Variants in AUTS2 observed in about 807,000 individuals in gnomAD.
AUTS2 encodes activator of transcription and developmental regulator AUTS2.
A neutral mutation model predicts 112.4 loss-of-function variants in AUTS2; 17 were observed. That is an observed-to-expected ratio of 0.15 (90% CI 0.10 to 0.23). The LOEUF (loss-of-function observed/expected upper bound fraction) is 0.23, where lower values mean the gene tolerates loss of function less well. Among genes scored for constraint, AUTS2 ranks in the 10% least tolerant of loss-of-function variants. AUTS2 has a pLI of 1.00. For missense variants in AUTS2, 1,510 were observed against 1,701.6 expected (o/e 0.89, Z 1.98); for synonymous variants, 751 against 702.7 (o/e 1.07, Z -1.09).
At chr7:69,795,330 A>G (rs1260991364) in intron 1 of AUTS2, among the ~76,000 whole-genome samples, 1 of 152,210 alleles carries the variant, frequency 6.6e-6, no homozygotes, top group Non-Finnish European at 1.5e-5. Flanking sequence ...TTTAGGATGT[A>G]TACACAGTGA....
rs559199120 is a variant in AUTS2, at chr7:70,456,522, A to G, written c.690+20741A>G. 2.0e-5 allele frequency among the ~76,000 whole-genome samples: 3 copies of G among 152,358 alleles called. No individual in the cohort carries two copies. In the South Asian group the frequency reaches 6.2e-4, roughly 32 times the overall value. ...AATATCAGCGAGATTTCCAGACCACATAGACAGGACAGAAGAGCTGGGAAG... is the reference window on the plus strand; with the variant it reads ...AATATCAGCGAGATTTCCAGACCACGTAGACAGGACAGAAGAGCTGGGAAG... On this transcript the variant is annotated intron_variant, in intron 5 of 18. Transcript: ENST00000342771.
At chr7:69,697,452 C>A (rs1486822611) in intron 1 of AUTS2, among the ~76,000 whole-genome samples, 1 of 152,172 alleles carries the variant, frequency 6.6e-6, no homozygotes, top group African/African-American at 2.4e-5. Flanking sequence ...AATTAAGAAA[C>A]CCACCAATCG....
At chr7:70,600,927 T>C (rs1019912524) in intron 5 of AUTS2, among the ~76,000 whole-genome samples, 2 of 152,242 alleles carry the variant, frequency 1.3e-5, no homozygotes, top group African/African-American at 4.8e-5. Flanking sequence ...TATTCATCCA[T>C]TGATGGTCAT....
chr7:70,085,468 A>C (rs1803550869), intron 2 of AUTS2, among the ~76,000 whole-genome samples: 1 of 151,756 alleles, frequency 6.6e-6, no homozygotes, highest in Non-Finnish European at 1.5e-5. Context: ...GTGTTCAAGC[A>C]ATTATCCCTG....
At chr7:70,732,281 G>C (rs1787460520) in intron 6 of AUTS2, among the ~76,000 whole-genome samples, 1 of 152,170 alleles carries the variant, frequency 6.6e-6, no homozygotes, top group South Asian at 2.1e-4. Flanking sequence ...TCGTGCATCA[G>C]AATTTCTAGC....
chr7:70,050,884 A>T (rs1801720715), intron 2 of AUTS2, among the ~76,000 whole-genome samples: 1 of 152,138 alleles, frequency 6.6e-6, no homozygotes, highest in Non-Finnish European at 1.5e-5. Flanking sequence ...AGTCCCAGCT[A>T]CTTGGGAGGC....
intron 4 of AUTS2, among the ~76,000 whole-genome samples, chr7:70,276,162 A>G (rs1230312621): frequency 3.3e-5 from 5 of 152,152 alleles, no homozygotes; most frequent in African/African-American, 1.2e-4. Context: ...GCTTTGTGAT[A>G]GTCACTAGAG....
intron 1 of AUTS2, among the ~76,000 whole-genome samples, chr7:69,730,261 A>G (rs1562843143): frequency 6.6e-6 from 1 of 151,660 alleles, no homozygotes; most frequent in Non-Finnish European, 1.5e-5. Flanking sequence ...TACCTTTTCC[A>G]AGTTTGTTCT....
chr7:70,367,248 G>A (rs1585064335), intron 4 of AUTS2, among the ~76,000 whole-genome samples: 1 of 152,092 alleles, frequency 6.6e-6, no homozygotes, highest in Non-Finnish European at 1.5e-5. Flanking sequence ...GGGTAACAGA[G>A]CGAGAGTCTG....
chr7:70,682,967 G>A (rs1358109653), intron 5 of AUTS2, among the ~76,000 whole-genome samples: 2 of 152,224 alleles, frequency 1.3e-5, no homozygotes, highest in African/African-American at 4.8e-5. Context: ...ATAACCAGAA[G>A]CTGCTGGGCC....
At chr7:70,053,522 G>A (rs1039076355) in intron 2 of AUTS2, among the ~76,000 whole-genome samples, 1 of 135,084 alleles carries the variant, frequency 7.4e-6, no homozygotes, top group African/African-American at 2.9e-5. Context: ...GTCTTCCATT[G>A]TGGCAACCAC....
chr7:70,788,372 T>C (rs1425148032), intron 18 of AUTS2, among the ~76,000 whole-genome samples: 1 of 152,200 alleles, frequency 6.6e-6, no homozygotes, highest in East Asian at 1.9e-4. Flanking sequence ...GGCAGATTAG[T>C]AGATACTCAT....
At chr7:70,482,326 G>A (rs942321719) in intron 5 of AUTS2, among the ~76,000 whole-genome samples, 6 of 152,002 alleles carry the variant, frequency 3.9e-5, no homozygotes, top group African/African-American at 1.5e-4. Flanking sequence ...TGGCTTCCTC[G>A]TCTTATTAGC....
intron 1 of AUTS2, among the ~76,000 whole-genome samples, chr7:69,893,457 A>T (rs1269058034): frequency 6.6e-6 from 1 of 152,358 alleles, no homozygotes; most frequent in Middle Eastern, 3.4e-3. Flanking sequence ...GGGACTTGAC[A>T]GACCAAAATG....
chr7:70,425,375 C>T (rs1795389386), intron 4 of AUTS2, among the ~76,000 whole-genome samples: 1 of 152,238 alleles, frequency 6.6e-6, no homozygotes, highest in African/African-American at 2.4e-5. Context: ...GAAGGTGATT[C>T]AAGCCAGACT....
intron 3 of AUTS2, among the ~76,000 whole-genome samples, chr7:70,121,679 A>G (rs1404926312): frequency 6.6e-6 from 1 of 152,196 alleles, no homozygotes; most frequent in Non-Finnish European, 1.5e-5. Flanking sequence ...ATGAAAAATA[A>G]GAAGTGTTGG....
chr7:69,600,087 TAG>T, intron 1 of AUTS2, 125 bp downstream of exon 1: 1 of 1,083,256 alleles, frequency 9.2e-7, no homozygotes, highest in South Asian at 1.5e-5. Context: ...TCTGTCTGTC[TAG>T]GCTGAGGTCT....
At chr7:70,390,443 T>C (rs930019091) in intron 4 of AUTS2, among the ~76,000 whole-genome samples, 3 of 152,128 alleles carry the variant, frequency 2.0e-5, no homozygotes, top group African/African-American at 7.2e-5. Context: ...TCCTGAGTCA[T>C]CTACCAATGA....
intron 1 of AUTS2, among the ~76,000 whole-genome samples, chr7:69,848,176 T>C (rs1359696856): frequency 6.6e-6 from 1 of 152,126 alleles, no homozygotes; most frequent in African/African-American, 2.4e-5. Flanking sequence ...CTTAACATGA[T>C]TGGATTTTGT....
Sources: gnomAD v4.1 joint callset for allele counts (sites outside exome capture counted in the v4.1 genomes callset) on GRCh38, gnomAD v4.1.1 for gene constraint, MANE v1.5 for transcripts, NCBI Gene and HGNC (gene_info 2026-07-23, HGNC 2026-07-21) for gene names.